SLC4A10: variants seen among roughly 807,000 people sequenced by gnomAD.
The protein encoded by SLC4A10 is solute carrier family 4 member 10.
A neutral mutation model predicts 137.7 loss-of-function variants in SLC4A10; 42 were observed. The observed-to-expected ratio is 0.30, with a 90% CI of 0.24 to 0.39. SLC4A10 has a LOEUF of 0.39. Among genes scored for constraint, SLC4A10 ranks in the 10% least tolerant of loss-of-function variants. The pLI is 1.00. For missense variants in SLC4A10, 925 were observed against 1,355.0 expected (o/e 0.68, Z 4.98); for synonymous variants, 474 against 464.1 (o/e 1.02, Z -0.27).
intron 1 of SLC4A10, among the ~76,000 whole-genome samples, chr2:161,652,777 C>T (rs2036976595): frequency 8.8e-6 from 1 of 113,596 alleles, no homozygotes; most frequent in Middle Eastern, 4.8e-3. Flanking sequence ...CCCTTGAAAA[C>T]CACCGTTTAT....
intron 21 of SLC4A10, among the ~76,000 whole-genome samples, chr2:161,960,424 G>A (rs1227092100): frequency 6.8e-6 from 1 of 147,842 alleles, no homozygotes; most frequent in African/African-American, 2.5e-5. Context: ...GGACAGGGAA[G>A]AAGGCTATAT....
At chr2:161,802,105 C>T (rs1426412373) in intron 2 of SLC4A10, among the ~76,000 whole-genome samples, 3 of 152,036 alleles carry the variant, frequency 2.0e-5, no homozygotes, top group African/African-American at 7.2e-5. Context: ...TAATCAGGTA[C>T]TTGAACCAAT....
chr2:161,789,491 G>T (rs192682832), intron 2 of SLC4A10, among the ~76,000 whole-genome samples: 9 of 151,426 alleles, frequency 5.9e-5, no homozygotes, highest in African/African-American at 1.7e-4. Flanking sequence ...CTACAAACTG[G>T]CGTCTGACAT....
chr2:161,777,193 A>T (rs956847289), intron 2 of SLC4A10, among the ~76,000 whole-genome samples: 1 of 151,694 alleles, frequency 6.6e-6, no homozygotes. Context: ...TAATTATTAT[A>T]GGTTAACATG....
intron 4 of SLC4A10, among the ~76,000 whole-genome samples, chr2:161,852,236 T>A (rs980295968): frequency 6.6e-6 from 1 of 152,216 alleles, no homozygotes; most frequent in African/African-American, 2.4e-5. Flanking sequence ...TACACCCTTT[T>A]AAAACTCTAG....
At chr2:161,957,412 C>T (rs373411858) in intron 20 of SLC4A10, among the ~76,000 whole-genome samples, 172 bp downstream of exon 20, 1 of 152,046 alleles carries the variant, frequency 6.6e-6, no homozygotes, top group East Asian at 1.9e-4. Context: ...AGGGAAATTA[C>T]GTCCTATATT....
chr2:161,835,023 C>T (rs954162298), intron 3 of SLC4A10, among the ~76,000 whole-genome samples: 1 of 142,874 alleles, frequency 7.0e-6, no homozygotes, highest in African/African-American at 2.6e-5. Context: ...TTGTGTGAAC[C>T]CTTAAGACTA....
At chr2:161,718,028 G>C (rs1258743217) in intron 1 of SLC4A10, among the ~76,000 whole-genome samples, 1 of 152,154 alleles carries the variant, frequency 6.6e-6, no homozygotes, top group Non-Finnish European at 1.5e-5. Flanking sequence ...TTGTGGGTCA[G>C]TGTGAGGAGG....
chr2:161,837,117 A>G (rs2058865252), intron 3 of SLC4A10, among the ~76,000 whole-genome samples: 1 of 152,196 alleles, frequency 6.6e-6, no homozygotes, highest in African/African-American at 2.4e-5. Context: ...TAGCCAGTAT[A>G]ATAATAAATA....
intron 2 of SLC4A10, among the ~76,000 whole-genome samples, chr2:161,784,989 CT>C (rs2053466801): frequency 6.6e-6 from 1 of 150,706 alleles, no homozygotes; most frequent in East Asian, 1.9e-4. Flanking sequence ...ATTGACAAAC[CT>C]TTGGCTAGAC....
At chr2:161,855,517 T>C (rs1020990293) in intron 5 of SLC4A10, among the ~76,000 whole-genome samples, 1 of 152,048 alleles carries the variant, frequency 6.6e-6, no homozygotes, top group Non-Finnish European at 1.5e-5. Context: ...AAAATGTTGG[T>C]TTAGAATGGA....
intron 5 of SLC4A10, among the ~76,000 whole-genome samples, chr2:161,861,427 C>T (rs2060429014): frequency 6.6e-6 from 1 of 152,118 alleles, no homozygotes; most frequent in South Asian, 2.1e-4. Context: ...TTAAAGCTTA[C>T]CCTAGAGGAG....
intron 6 of SLC4A10, among the ~76,000 whole-genome samples, chr2:161,864,424 T>C (rs1282991288): frequency 6.6e-6 from 1 of 152,202 alleles, no homozygotes; most frequent in Non-Finnish European, 1.5e-5. Flanking sequence ...TCAGTTTTCA[T>C]GCTACTGTAT....
intron 15 of SLC4A10, among the ~76,000 whole-genome samples, chr2:161,926,326 C>T (rs1289479022): frequency 8.2e-6 from 1 of 122,012 alleles, no homozygotes; most frequent in African/African-American, 2.9e-5. Flanking sequence ...CTCTTTTGAT[C>T]TTTGTTGGTT....
chr2:161,758,077 G>A (rs940923633), intron 1 of SLC4A10, among the ~76,000 whole-genome samples: 4 of 151,358 alleles, frequency 2.6e-5, no homozygotes, highest in East Asian at 3.9e-4. Context: ...TATATCTTTT[G>A]AAATTTGAGA....
chr2:161,636,699 T>A (rs1417755789), intron 1 of SLC4A10, among the ~76,000 whole-genome samples: 1 of 151,568 alleles, frequency 6.6e-6, no homozygotes, highest in African/African-American at 2.4e-5. Flanking sequence ...GACCTTTTTA[T>A]TTTTTTAAGA....
At chr2:161,771,583 C>T (rs930928943) in intron 2 of SLC4A10, among the ~76,000 whole-genome samples, 8 of 151,726 alleles carry the variant, frequency 5.3e-5, no homozygotes, top group African/African-American at 1.9e-4. Flanking sequence ...CAGTGCTGCC[C>T]CTTATTTGTC....
At chr2:161,954,818 C>T (rs1313972110) in intron 19 of SLC4A10, among the ~76,000 whole-genome samples, 1 of 152,164 alleles carries the variant, frequency 6.6e-6, no homozygotes, top group African/African-American at 2.4e-5. Flanking sequence ...ATTTTGCCTA[C>T]TTCCTGCAAT....
At chr2:161,869,217 A>G (rs1000309453) in intron 6 of SLC4A10, among the ~76,000 whole-genome samples, 2 of 151,662 alleles carry the variant, frequency 1.3e-5, no homozygotes, top group African/African-American at 4.8e-5. Flanking sequence ...GAAAATTGCC[A>G]TTCTGTGAAC....
Sources: allele counts gnomAD v4.1 joint callset (sites outside exome capture counted in the v4.1 genomes callset), GRCh38; gene constraint gnomAD v4.1.1; transcripts MANE v1.5; gene names NCBI Gene and HGNC (gene_info 2026-07-23, HGNC 2026-07-21).